The following MAGI2 variants were observed in gnomAD, a reference collection of about 807,000 sequenced individuals.
The protein encoded by MAGI2 is membrane-associated guanylate kinase, WW and PDZ domain-containing protein 2.
In MAGI2, 35 loss-of-function variants were observed where a neutral mutation model predicts 133.3. That is an observed-to-expected ratio of 0.26 (90% CI 0.20 to 0.35). The LOEUF is 0.35. Among genes scored for constraint, MAGI2 ranks in the 10% least tolerant of loss-of-function variants. The probability of loss-of-function intolerance (pLI) is 1.00; values close to 1 mark genes in which losing one functional copy is unlikely to be tolerated. For synonymous variants in MAGI2, 729 were observed against 710.6 expected (o/e 1.03, Z -0.41); for missense variants, 1,636 against 1,863.4 (o/e 0.88, Z 2.25).
chr7:79,420,050 A>G (rs926838446), intron 1 of MAGI2, among the ~76,000 whole-genome samples: 3 of 152,036 alleles, frequency 2.0e-5, no homozygotes, highest in Non-Finnish European at 4.4e-5. Flanking sequence ...AATATAAGAC[A>G]GCTTTGATTT....
At chr7:78,886,218 G>A (rs1402361223) in intron 2 of MAGI2, among the ~76,000 whole-genome samples, 5 of 152,174 alleles carry the variant, frequency 3.3e-5, no homozygotes, top group African/African-American at 1.2e-4. Flanking sequence ...GAAGCAATTA[G>A]GCAGGTGAGG....
intron 2 of MAGI2, among the ~76,000 whole-genome samples, chr7:78,749,059 C>G (rs908451378): frequency 1.1e-4 from 16 of 152,176 alleles, no homozygotes; most frequent in Non-Finnish European, 2.2e-4. Context: ...AAGAAATGCA[C>G]ATAAATAGCC....
intron 1 of MAGI2, among the ~76,000 whole-genome samples, chr7:79,436,896 A>G (rs1176682667): frequency 6.6e-6 from 1 of 152,162 alleles, no homozygotes; most frequent in Non-Finnish European, 1.5e-5. Context: ...ACCTGAATGC[A>G]TATGTTCACT....
intron 5 of MAGI2, among the ~76,000 whole-genome samples, chr7:78,498,626 G>C (rs1284196122): frequency 3.3e-5 from 5 of 152,152 alleles, no homozygotes; most frequent in African/African-American, 9.7e-5. Context: ...TGATGGTATG[G>C]ACATGAAGGA....
At chr7:78,980,207 A>G (rs1804656990) in intron 2 of MAGI2, among the ~76,000 whole-genome samples, 1 of 151,738 alleles carries the variant, frequency 6.6e-6, no homozygotes, top group Admixed American at 6.6e-5. Context: ...TAATGATTAT[A>G]TCTTCCTCAC....
chr7:78,100,634 G>A (rs901329338), intron 20 of MAGI2, among the ~76,000 whole-genome samples: 6 of 152,186 alleles, frequency 3.9e-5, no homozygotes, highest in African/African-American at 1.4e-4. Flanking sequence ...CTAAAGGTGT[G>A]AGCTACTGCA....
chr7:78,534,129 T>G (rs1231678403), intron 3 of MAGI2, among the ~76,000 whole-genome samples: 1 of 152,208 alleles, frequency 6.6e-6, no homozygotes, highest in South Asian at 2.1e-4. Context: ...GAAACTTACC[T>G]TCTCCTGAGG....
intron 1 of MAGI2, among the ~76,000 whole-genome samples, chr7:79,161,727 C>A (rs541223664): frequency 1.3e-4 from 20 of 152,064 alleles, no homozygotes; most frequent in Non-Finnish European, 2.2e-4. Flanking sequence ...TCAAGAAAAT[C>A]TTTTAAGTTA....
chr7:79,412,331 T>C (rs1264886904), intron 1 of MAGI2: 4 of 152,154 alleles, frequency 2.6e-5, no homozygotes, highest in African/African-American at 9.7e-5. Flanking sequence ...TATTTAAAAT[T>C]AGAAATACAG....
intron 1 of MAGI2, among the ~76,000 whole-genome samples, chr7:79,099,970 A>T (rs568668925): frequency 6.6e-6 from 1 of 152,302 alleles, no homozygotes; most frequent in African/African-American, 2.4e-5. Context: ...GTCCTTCTAC[A>T]CTTTTCTCTT....
intron 1 of MAGI2, among the ~76,000 whole-genome samples, chr7:79,444,316 C>A (rs1391728501): frequency 6.6e-6 from 1 of 152,000 alleles, no homozygotes; most frequent in East Asian, 1.9e-4. Flanking sequence ...CTGGCCAGGG[C>A]AATCAGGCAG....
At chr7:79,081,509 A>T (rs927621069) in intron 1 of MAGI2, among the ~76,000 whole-genome samples, 2 of 152,160 alleles carry the variant, frequency 1.3e-5, no homozygotes, top group Non-Finnish European at 2.9e-5. Flanking sequence ...CTCAGTTAGT[A>T]CTTGTTGAAT....
At position 78,043,380 on chromosome 7, in the gene MAGI2, C is replaced by T. The variant is rs138264586; in HGVS notation, c.3707-23404G>A. The stretch of plus-strand genomic sequence containing the variant: ...GGGGGTGGGAAAATACCTGCGTAGC[C>T]AGTTTGTATAATACTCTGGAGCTTC... On this transcript the variant is annotated intron_variant, in intron 21 of 21. Transcript: ENST00000354212. 4.8e-3 allele frequency among the ~76,000 whole-genome samples: 731 copies of T among 152,286 alleles called. 4 individuals carry two copies. Among genetic ancestry groups the T allele is most frequent in the African/African-American group, 0.016 (679 of 41,546 alleles).
chr7:78,454,850 A>C (rs563052836), intron 6 of MAGI2, among the ~76,000 whole-genome samples: 8 of 152,294 alleles, frequency 5.3e-5, no homozygotes, highest in Non-Finnish European at 5.9e-5. Context: ...ACTATGTGAC[A>C]TTCTGGAAAA....
chr7:78,753,166 G>A (rs1243482079), intron 2 of MAGI2, among the ~76,000 whole-genome samples: 2 of 152,104 alleles, frequency 1.3e-5, no homozygotes, highest in African/African-American at 4.8e-5. Context: ...AAGATGACCA[G>A]TATGATGGAA....
At chr7:78,698,330 G>T (rs1161520249) in intron 2 of MAGI2, among the ~76,000 whole-genome samples, 1 of 152,084 alleles carries the variant, frequency 6.6e-6, no homozygotes, top group African/African-American at 2.4e-5. Context: ...TGCCACAAGT[G>T]GAAAGTCTGG....
chr7:78,469,526 T>A (rs1790974222), intron 6 of MAGI2, among the ~76,000 whole-genome samples: 1 of 152,192 alleles, frequency 6.6e-6, no homozygotes. Flanking sequence ...TGAGACAGTA[T>A]TGCTTTTCTC....
intron 1 of MAGI2, among the ~76,000 whole-genome samples, chr7:79,181,532 A>G (rs1173748731): frequency 1.3e-5 from 2 of 151,558 alleles, no homozygotes; most frequent in Admixed American, 1.3e-4. Context: ...GGCCCACAAA[A>G]CTATTTTTTC....
chr7:79,361,591 T>C (rs1280246517), intron 1 of MAGI2, among the ~76,000 whole-genome samples: 6 of 152,214 alleles, frequency 3.9e-5, no homozygotes, highest in African/African-American at 1.4e-4. Context: ...CACAAGTGGC[T>C]GGTCGTGGAA....
Sources: allele counts gnomAD v4.1 joint callset (sites outside exome capture counted in the v4.1 genomes callset), GRCh38; gene constraint gnomAD v4.1.1; transcripts MANE v1.5; gene names NCBI Gene and HGNC (gene_info 2026-07-23, HGNC 2026-07-21).